CAMTA1: variants seen among roughly 807,000 people sequenced by gnomAD.
The protein encoded by CAMTA1 is calmodulin binding transcription activator 1.
In CAMTA1, 27 loss-of-function variants were observed where a neutral mutation model predicts 170.9. That is an observed-to-expected ratio of 0.16 (90% CI 0.12 to 0.22). The LOEUF is 0.22. CAMTA1 is among the 10% of genes least tolerant of loss of function. The pLI is 1.00. For missense variants in CAMTA1, 1,619 were observed against 2,217.2 expected (o/e 0.73, Z 5.42); for synonymous variants, 833 against 891.5 (o/e 0.93, Z 1.17).
chr1:7,437,609 G>A (rs546258988), intron 5 of CAMTA1, among the ~76,000 whole-genome samples: 18 of 152,314 alleles, frequency 1.2e-4, no homozygotes, highest in African/African-American at 3.6e-4. Flanking sequence ...GGACTTCAAC[G>A]TATGAATTTT....
intron 6 of CAMTA1, among the ~76,000 whole-genome samples, chr1:7,541,693 C>A (rs1390758214): frequency 6.6e-6 from 1 of 152,192 alleles, no homozygotes; most frequent in Non-Finnish European, 1.5e-5. Flanking sequence ...CGGGCGCGTT[C>A]CCCCAAACCC....
chr1:7,143,840 T>C (rs752179431), intron 4 of CAMTA1, among the ~76,000 whole-genome samples: 2 of 152,254 alleles, frequency 1.3e-5, no homozygotes, highest in Non-Finnish European at 2.9e-5. Context: ...TATAAAGTCA[T>C]ATGTCTATAC....
chr1:7,045,373 A>G (rs535781336), intron 3 of CAMTA1, among the ~76,000 whole-genome samples: 2 of 152,228 alleles, frequency 1.3e-5, no homozygotes, highest in Admixed American at 1.3e-4. Context: ...AGTTGGAAGC[A>G]TCTTTCCTGT....
At chr1:7,461,090 C>T (rs538546143) in intron 5 of CAMTA1, among the ~76,000 whole-genome samples, 120 of 152,288 alleles carry the variant, frequency 7.9e-4, no homozygotes, top group African/African-American at 2.8e-3. Flanking sequence ...GCCGCCCCCG[C>T]GGGTATTATC....
chr1:7,714,582 G>A (rs3011935), intron 11 of CAMTA1, among the ~76,000 whole-genome samples: 143,873 of 152,036 alleles, frequency 0.95, 68,544 homozygotes, highest in East Asian at 1. Context: ...GGCTTTGGGC[G>A]CGATCTCAGC....
rs950572855 is a variant in CAMTA1 at position 7,093,430 on chromosome 1, C to T, written c.302+2059C>T. On this transcript the variant is annotated intron_variant, in intron 4 of 22. Coordinates refer to ENST00000303635, the MANE Select transcript of CAMTA1 (RefSeq NM_015215.4). The surrounding 1 kb of genome is among the most constrained non-coding windows in gnomAD (Gnocchi z 4.6). ...TCAAGCAGCCGCCAGCCTCTCCTTG[C>T]GCCCTTCACTCTCCGCTGAAACACT... Among the ~76,000 whole-genome samples the T allele has an allele frequency of 6.6e-6, 1 of 152,074 alleles. No individual in the cohort carries two copies. The highest frequency in any genetic ancestry group is 1.5e-5 in the Non-Finnish European group (1 of 67,994).
chr1:6,866,730 G>A (rs1557727361), intron 3 of CAMTA1, among the ~76,000 whole-genome samples: 1 of 152,130 alleles, frequency 6.6e-6, no homozygotes, highest in South Asian at 2.1e-4. Flanking sequence ...TCTTTTTAGC[G>A]AAACTATGTC....
intron 6 of CAMTA1, among the ~76,000 whole-genome samples, chr1:7,597,546 T>A (rs7520401): frequency 0.15 from 22,917 of 152,044 alleles, 1,910 homozygotes; most frequent in African/African-American, 0.2. Context: ...GGGTTCTCCA[T>A]GTAACAGAAC....
chr1:7,500,953 C>T (rs1351102561), intron 6 of CAMTA1, among the ~76,000 whole-genome samples: 3 of 152,026 alleles, frequency 2.0e-5, no homozygotes, highest in Non-Finnish European at 2.9e-5. Flanking sequence ...CTCTGGGAAC[C>T]GTAGCCCAGG....
intron 3 of CAMTA1, among the ~76,000 whole-genome samples, chr1:6,967,434 G>T (rs1013810221): frequency 6.6e-6 from 1 of 152,080 alleles, no homozygotes; most frequent in East Asian, 1.9e-4. Context: ...CTCCCCACCC[G>T]CGAATGTGGC....
At chr1:6,824,516 G>C (rs1347897790) in intron 2 of CAMTA1, among the ~76,000 whole-genome samples, 3 of 152,118 alleles carry the variant, frequency 2.0e-5, no homozygotes, top group Non-Finnish European at 4.4e-5. Flanking sequence ...TTAAAATGAT[G>C]ATTTTATGTT....
chr1:7,147,049 C>T (rs901744717), intron 4 of CAMTA1, among the ~76,000 whole-genome samples: 1 of 151,802 alleles, frequency 6.6e-6, no homozygotes, highest in African/African-American at 2.4e-5. Flanking sequence ...TTTGCACACA[C>T]ACTCAAATGT....
chr1:7,298,542 C>T (rs1674314635), intron 5 of CAMTA1, among the ~76,000 whole-genome samples: 1 of 152,172 alleles, frequency 6.6e-6, no homozygotes, highest in Non-Finnish European at 1.5e-5. Context: ...CCACCATCTA[C>T]AGGGGCGGAA....
intron 5 of CAMTA1, 40 bp from the exon 6 acceptor site, chr1:7,467,790 C>T: frequency 6.5e-7 from 1 of 1,535,612 alleles, no homozygotes; most frequent in Non-Finnish European, 9.0e-7. Flanking sequence ...TCCTTCCTTC[C>T]CTCTTTCCAA....
chr1:6,820,646 G>A (rs570068423), intron 2 of CAMTA1, among the ~76,000 whole-genome samples: 24 of 152,106 alleles, frequency 1.6e-4, no homozygotes, highest in Non-Finnish European at 2.6e-4. Flanking sequence ...GTGGATCTTG[G>A]GCAAATTAAT....
intron 3 of CAMTA1, among the ~76,000 whole-genome samples, chr1:6,881,637 C>G (rs1198068231): frequency 6.6e-6 from 1 of 152,082 alleles, no homozygotes; most frequent in Non-Finnish European, 1.5e-5. Context: ...AGGAAAGCCA[C>G]CTGAGGATTT....
chr1:7,727,386 T>G (rs1441341427), intron 11 of CAMTA1, among the ~76,000 whole-genome samples: 4 of 152,188 alleles, frequency 2.6e-5, no homozygotes, highest in Non-Finnish European at 5.9e-5. Context: ...TCTCCCAAAG[T>G]GCTGGGATTA....
At chr1:7,290,343 G>A (rs535948630) in intron 5 of CAMTA1, among the ~76,000 whole-genome samples, 1 of 152,216 alleles carries the variant, frequency 6.6e-6, no homozygotes, top group South Asian at 2.1e-4. Context: ...CTTTCCTTAC[G>A]GGTTGCCCCT....
In CAMTA1 at chr1:7,276,303, A is replaced by ATATATATATTTT; in HGVS notation, c.438+26678_438+26679insATATATATTTTT. 9.5e-3 allele frequency among the ~76,000 whole-genome samples: 230 copies of ATATATATATTTT among 24,102 alleles called. 4 individuals are homozygous for ATATATATATTTT. Among genetic ancestry groups the ATATATATATTTT allele is most frequent in the Middle Eastern group, 0.033 (1 of 30 alleles). The allele number at this position is 24,102 out of a possible 152,430, so 15.8% of individuals were successfully genotyped here. A position where few individuals can be genotyped will look rare whatever the true frequency, so the allele number is the denominator to read the frequency against. ...CATATATATATATATATATATATATATTTTTTTTTTTTTTTTTTCTTTTTG... is the reference window on the plus strand; with the variant it reads ...CATATATATATATATATATATATATATATATATATTTTTTTTTTTTTTTTTTTTTTCTTTTTG... On this transcript the variant is annotated intron_variant, in intron 5 of 22. Coordinates refer to ENST00000303635, the MANE Select transcript of CAMTA1 (RefSeq NM_015215.4).
Sources: gnomAD v4.1 joint callset for allele counts (sites outside exome capture counted in the v4.1 genomes callset) on GRCh38, gnomAD v4.1.1 for gene constraint, Gnocchi (gnomAD v3.1) non-coding constraint, MANE v1.5 for transcripts, NCBI Gene and HGNC (gene_info 2026-07-23, HGNC 2026-07-21) for gene names.